The following HDAC4 variants were observed in gnomAD, a reference collection of about 807,000 sequenced individuals.
HDAC4 encodes the protein histone deacetylase A.
In HDAC4, 16 loss-of-function variants were observed where a neutral mutation model predicts 135.1. The ratio of observed to expected loss-of-function variants is 0.12; its 90% CI spans 0.08 to 0.18. HDAC4 has a LOEUF of 0.18. Ranked by LOEUF, HDAC4 falls within the 10% of genes least tolerant of loss-of-function variation. HDAC4 has a pLI of 1.00. For missense variants in HDAC4, 1,143 were observed against 1,511.8 expected, an observed-to-expected ratio of 0.76 and a Z score of 4.05; for synonymous variants, 685 against 653.4, an observed-to-expected ratio of 1.05 and a Z score of -0.74.
At chr2:239,244,995 T>C (rs2048387788) in intron 2 of HDAC4, among the ~76,000 whole-genome samples, 2 of 152,360 alleles carry the variant, frequency 1.3e-5, no homozygotes, top group East Asian at 1.9e-4. Context: ...CAAAGTTCCA[T>C]AACAGTGCTT....
intron 1 of HDAC4, among the ~76,000 whole-genome samples, chr2:239,383,496 G>A (rs573798598): frequency 1.3e-5 from 2 of 152,174 alleles, no homozygotes; most frequent in African/African-American, 2.4e-5. Flanking sequence ...GCCGGAACAG[G>A]TGCCTCCTCA....
At chr2:239,305,971 G>A (rs1317070021) in intron 2 of HDAC4, among the ~76,000 whole-genome samples, 2 of 152,208 alleles carry the variant, frequency 1.3e-5, no homozygotes, top group African/African-American at 4.8e-5. Context: ...CATTTCAGAT[G>A]AATGCAGCAC....
intron 4 of HDAC4, among the ~76,000 whole-genome samples, chr2:239,182,271 C>G (rs3791543): frequency 3.9e-5 from 6 of 152,142 alleles, no homozygotes; most frequent in Non-Finnish European, 8.8e-5. Context: ...TGGCGAGCCC[C>G]TCCCCTCTGG....
At chr2:239,249,921 C>T (rs373675279) in intron 2 of HDAC4, among the ~76,000 whole-genome samples, 36 of 152,322 alleles carry the variant, frequency 2.4e-4, no homozygotes, top group Middle Eastern at 3.4e-3. Context: ...CTGGTTCTGC[C>T]GTCTCTCACC....
intron 2 of HDAC4, among the ~76,000 whole-genome samples, chr2:239,317,295 C>G (rs143177663): frequency 0.011 from 1,644 of 152,026 alleles, 26 homozygotes; most frequent in African/African-American, 0.037. Context: ...AAGTGAACTG[C>G]CATGTGTGTG....
rs1575183666 is a variant in HDAC4, at chr2:239,146,392, G to A, written c.734-1678C>T. On this transcript the variant is annotated intron_variant, in intron 7 of 26. Transcript: ENST00000543185. This position sits in a 1 kb window ranked among gnomAD's most constrained non-coding sequence, Gnocchi z 4.5. Reference sequence around the variant, plus strand: ...CTTCTGAGAGGCAGGGGCTGTGTGTGCCCACAGAAGAGCACAGGGTCCCTG... The same window carrying A: ...CTTCTGAGAGGCAGGGGCTGTGTGTACCCACAGAAGAGCACAGGGTCCCTG... Among the ~76,000 whole-genome samples, 1 of 152,214 alleles carries A rather than the reference G, an allele frequency of 6.6e-6. No homozygotes were observed. The highest frequency in any genetic ancestry group is 2.4e-5 in the African/African-American group (1 of 41,468).
At chr2:239,163,781 T>C in intron 6 of HDAC4, 22 bp downstream of exon 6, 1 of 1,613,374 alleles carries the variant, frequency 6.2e-7, no homozygotes, top group Non-Finnish European at 8.5e-7. Context: ...GAGGCCGGGG[T>C]GCTCCCCACA....
chr2:239,389,738 G>A (rs545163187), intron 1 of HDAC4, among the ~76,000 whole-genome samples: 13 of 152,146 alleles, frequency 8.5e-5, no homozygotes, highest in African/African-American at 2.4e-4. Flanking sequence ...CGCTACTGGC[G>A]GCTTTCCTCC....
chr2:239,392,447 G>A (rs1341502268), intron 1 of HDAC4, among the ~76,000 whole-genome samples: 1 of 152,192 alleles, frequency 6.6e-6, no homozygotes, highest in Admixed American at 6.5e-5. Context: ...TTTTATAGTA[G>A]AGGGGGTTTT....
chr2:239,243,404 G>A (rs1001580856), intron 2 of HDAC4, among the ~76,000 whole-genome samples: 3 of 152,086 alleles, frequency 2.0e-5, no homozygotes, highest in African/African-American at 4.8e-5. Context: ...CGCCTGCCTC[G>A]GCCTCCCAAA....
chr2:239,095,615 G>C (rs1392640173), intron 16 of HDAC4, among the ~76,000 whole-genome samples: 3 of 152,170 alleles, frequency 2.0e-5, no homozygotes, highest in Admixed American at 1.3e-4. Flanking sequence ...AGCTGACTGA[G>C]GGCTCCAAGG....
At chr2:239,218,029 C>G (rs1242127895) in intron 3 of HDAC4, among the ~76,000 whole-genome samples, 1 of 152,104 alleles carries the variant, frequency 6.6e-6, no homozygotes, top group Non-Finnish European at 1.5e-5. Context: ...GAGGTAGAGG[C>G]TGCAGTGAGC....
chr2:239,113,432 C>G (rs531410463), intron 13 of HDAC4, among the ~76,000 whole-genome samples: 5 of 152,184 alleles, frequency 3.3e-5, no homozygotes, highest in Admixed American at 3.3e-4. Context: ...GGTTAATAAG[C>G]AATCCTCCCC....
chr2:239,229,223 T>G (rs1384774619), intron 3 of HDAC4, among the ~76,000 whole-genome samples: 1 of 152,180 alleles, frequency 6.6e-6, no homozygotes, highest in Non-Finnish European at 1.5e-5. Context: ...CAAAAGTGAC[T>G]CTTAAAGCAT....
Position 239,317,712 on chromosome 2 carries a change from G to A in HDAC4, c.22+34966C>T, listed in dbSNP as rs368566879. Among the ~76,000 whole-genome samples the A allele has an allele frequency of 3.5e-4, 54 of 152,322 alleles. 1 individual carries two copies. Among genetic ancestry groups the A allele is most frequent in the African/African-American group, 1.2e-3 (48 of 41,580 alleles). ...AAAGGAAAGCTCTTTACAGGAGAAA[G>A]TTAACTACAGGAGTCCACATTTCAC... On this transcript the variant is annotated intron_variant, in intron 2 of 26. Transcript: ENST00000543185.
At chr2:239,283,344 C>G (rs2138167) in intron 2 of HDAC4, among the ~76,000 whole-genome samples, 150,301 of 152,358 alleles carry the variant, frequency 0.99, 74,139 homozygotes, top group East Asian at 1. Context: ...AGCAGAAGTG[C>G]CCAGGGTGCG....
chr2:239,138,023 T>C (rs1416476380), intron 9 of HDAC4, among the ~76,000 whole-genome samples: 1 of 152,232 alleles, frequency 6.6e-6, no homozygotes, highest in East Asian at 1.9e-4. Context: ...AAGTGCCTCA[T>C]TTTAAATAAA....
At chr2:239,368,021 C>T (rs1694338827) in intron 1 of HDAC4, among the ~76,000 whole-genome samples, 1 of 152,120 alleles carries the variant, frequency 6.6e-6, no homozygotes. Flanking sequence ...TGTTTAGACT[C>T]AGGTCCCATC....
intron 16 of HDAC4, 64 bp from the exon 17 acceptor site, chr2:239,095,120 C>G: frequency 1.3e-6 from 2 of 1,581,006 alleles, no homozygotes; most frequent in South Asian, 2.2e-5. Flanking sequence ...TCGACAGGCC[C>G]TGGGCGCACT....
Sources: gnomAD v4.1 joint callset for allele counts (sites outside exome capture counted in the v4.1 genomes callset) on GRCh38, gnomAD v4.1.1 for gene constraint, Gnocchi (gnomAD v3.1) non-coding constraint, MANE v1.5 for transcripts, NCBI Gene and HGNC (gene_info 2026-07-23, HGNC 2026-07-21) for gene names.